HCLS1: variants seen among roughly 807,000 people sequenced by gnomAD.
HCLS1 encodes the protein hematopoietic cell-specific Lyn substrate 1, also known as hematopoietic lineage cell-specific protein.
In HCLS1, 44 loss-of-function variants were observed where a neutral mutation model predicts 68.6. That is an observed-to-expected ratio of 0.64 (90% CI 0.50 to 0.82). The LOEUF is 0.82. Ranked by LOEUF, HCLS1 falls within the 40% of genes least tolerant of loss-of-function variation. The probability of loss-of-function intolerance (pLI) is 0.00; values close to 1 mark genes in which losing one functional copy is unlikely to be tolerated. For missense variants in HCLS1, 602 were observed against 612.1 expected (o/e 0.98, Z 0.17); for synonymous variants, 217 against 225.8 (o/e 0.96, Z 0.35).
chr3:121,640,019 G>C (rs575569331), intron 6 of HCLS1, among the ~76,000 whole-genome samples: 1 of 152,046 alleles, frequency 6.6e-6, no homozygotes, highest in South Asian at 2.1e-4. Context: ...TAAACTTCTA[G>C]TAAGAATAAT....
intron 3 of HCLS1, 145 bp from the exon 4 acceptor site, chr3:121,647,593 A>C (rs559843272): frequency 1.4e-6 from 1 of 707,674 alleles, no homozygotes; most frequent in East Asian, 2.7e-5. Flanking sequence ...ATGGGTCTGG[A>C]AGTAAAAGAT....
rs758207778 is a variant in HCLS1 at position 121,647,408 on chromosome 3, C to T, written c.199G>A (p.Val67Ile). The change falls in exon 4 of 14, where the codon GTT becomes ATT. Residue 67 changes from valine (V) to isoleucine (I), a missense_variant. Coordinates refer to ENST00000314583, the MANE Select transcript of HCLS1 (RefSeq NM_005335.6). ...GACTCCATCTCTTTCTTCCTGAGAA[C>T]ATCATGCTCCTCTGATACTTTGTTC... ...LRNKVSEEHD[V>I]LRKKEMESGP... 1.1e-5 allele frequency: 17 copies of T among 1,614,074 alleles called. No homozygotes were observed. Among genetic ancestry groups the T allele is most frequent in the Middle Eastern group, 1.6e-4 (1 of 6,062 alleles).
chr3:121,642,993 AG>A lies in HCLS1; in HGVS notation c.400-13del, dbSNP rs1397411264. On this transcript the variant is annotated splice_polypyrimidine_tract_variant and intron_variant, in intron 5 of 13. Coordinates refer to ENST00000314583, the MANE Select transcript of HCLS1 (RefSeq NM_005335.6). ...AAGCCGACTGCTGACTACAGAGAAGAGGAGACAGAATTGGTTAGAGTCAGAG... is the reference window on the plus strand; with the variant it reads ...AAGCCGACTGCTGACTACAGAGAAGAGAGACAGAATTGGTTAGAGTCAGAG... 1.2e-6 allele frequency: 2 copies of A among 1,610,614 alleles called. No homozygotes were observed. The highest frequency in any genetic ancestry group is 1.7e-6 in the Non-Finnish European group (2 of 1,177,076).
At chr3:121,651,547 C>G (rs1937748881) in intron 3 of HCLS1, among the ~76,000 whole-genome samples, 2 of 152,102 alleles carry the variant, frequency 1.3e-5, no homozygotes, top group African/African-American at 4.8e-5. Context: ...AGTGCTTCTC[C>G]TGCCTCAGCC....
intron 2 of HCLS1, chr3:121,658,021 C>A: frequency 2.2e-6 from 1 of 462,262 alleles, no homozygotes; most frequent in Non-Finnish European, 3.9e-6. Flanking sequence ...TCAGTGTAGC[C>A]TGCCATGGCC....
At chr3:121,640,798 AGGG>A (rs1281749993) in intron 6 of HCLS1, among the ~76,000 whole-genome samples, 2 of 26,892 alleles carry the variant, frequency 7.4e-5, no homozygotes, top group South Asian at 3.4e-3. Flanking sequence ...AGGGGAGGGG[AGGG>A]GAGGGGAGGG....
At chr3:121,641,899 G>T (rs2049203094) in intron 6 of HCLS1, among the ~76,000 whole-genome samples, 1 of 151,674 alleles carries the variant, frequency 6.6e-6, no homozygotes, top group South Asian at 2.1e-4. Flanking sequence ...GGCTAACATG[G>T]TGAAACCCCG....
At position 121,632,415 on chromosome 3, in the gene HCLS1, C is replaced by T. The variant is rs759916155; in HGVS notation, c.1157G>A (p.Arg386Lys). 1 of 1,612,620 alleles carries T rather than the reference C, an allele frequency of 6.2e-7. No homozygotes were observed. The highest frequency in any genetic ancestry group is 2.2e-5 in the East Asian group (1 of 44,868). ...CTCTGGTTCATCCTCCTGCTCATGCCTGTCCATCTCCTCAACGTCCTCATA... is the reference window on the plus strand; with the variant it reads ...CTCTGGTTCATCCTCCTGCTCATGCTTGTCCATCTCCTCAACGTCCTCATA... ...NDYEDVEEMD[R>K]HEQEDEPEGD... is the part of the protein sequence containing the mutation. The change falls in exon 12 of 14, where the codon AGG becomes AAG. Residue 386 changes from arginine (R) to lysine (K), a missense_variant. Coordinates refer to ENST00000314583, the MANE Select transcript of HCLS1 (RefSeq NM_005335.6).
chr3:121,643,091 G>A, intron 5 of HCLS1, 110 bp from the exon 6 acceptor site: 1 of 808,180 alleles, frequency 1.2e-6, no homozygotes, highest in African/African-American at 1.7e-5. Context: ...AGGGGCTTCA[G>A]GCTGAGTATA....
intron 9 of HCLS1, among the ~76,000 whole-genome samples, chr3:121,634,814 T>A (rs1460329959): frequency 6.6e-6 from 1 of 152,104 alleles, no homozygotes; most frequent in Non-Finnish European, 1.5e-5. Context: ...GTATTTTTTG[T>A]AGAGAGGGGA....
intron 6 of HCLS1, among the ~76,000 whole-genome samples, chr3:121,639,469 T>C (rs2049178033): frequency 6.6e-6 from 1 of 152,216 alleles, no homozygotes; most frequent in Non-Finnish European, 1.5e-5. Flanking sequence ...AAATAATACA[T>C]GTGTCAAAGA....
At chr3:121,657,000 G>T (rs1478738774) in intron 3 of HCLS1, 2 of 319,238 alleles carry the variant, frequency 6.3e-6, no homozygotes, top group East Asian at 1.0e-4. Flanking sequence ...AGGAAGGGAG[G>T]CAGTTAATCC....
In HCLS1 at chr3:121,634,323, T is replaced by A; in HGVS notation, c.787A>T (p.Arg263Trp). The A allele has an allele frequency of 1.2e-6, 2 of 1,614,196 alleles. No homozygotes were observed. The highest frequency in any genetic ancestry group is 1.7e-6 in the Non-Finnish European group (2 of 1,180,032). ...ACAGCCTTTCGCTCCTGTTGCCTCC[T>A]GGCCACCTGCTGTGCCTTCTCCTCT... ...EEEEKAQQVARRQQERKAVTK... is the reference protein window; with the variant it reads ...EEEEKAQQVAWRQQERKAVTK... The change falls in exon 10 of 14, where the codon AGG (arginine) becomes TGG (tryptophan). Residue 263 changes from arginine to tryptophan, a missense_variant. By Grantham distance (101) the Arg-to-Trp change is moderately radical. Transcript: ENST00000314583.
chr3:121,650,697 G>A (rs1374823445), intron 3 of HCLS1, among the ~76,000 whole-genome samples: 1 of 152,132 alleles, frequency 6.6e-6, no homozygotes, highest in Non-Finnish European at 1.5e-5. Flanking sequence ...CAGTCCTTTA[G>A]GACAAAACAT....
At chr3:121,640,368 C>A (rs1472529314) in intron 6 of HCLS1, among the ~76,000 whole-genome samples, 4 of 152,062 alleles carry the variant, frequency 2.6e-5, no homozygotes, top group Non-Finnish European at 4.4e-5. Flanking sequence ...TCTCATAAAA[C>A]AAATATCCCT....
At chr3:121,649,900 G>C (rs564076127) in intron 3 of HCLS1, among the ~76,000 whole-genome samples, 1 of 152,140 alleles carries the variant, frequency 6.6e-6, no homozygotes, top group Non-Finnish European at 1.5e-5. Flanking sequence ...CAGAATATAA[G>C]GTTTTTATTC....
intron 3 of HCLS1, chr3:121,653,791 C>T (rs1937804325): frequency 6.6e-6 from 1 of 152,148 alleles, no homozygotes; most frequent in African/African-American, 2.4e-5. Context: ...ATGGTTATAG[C>T]TCAGTAAAGA....
intron 5 of HCLS1, 34 bp from the exon 6 acceptor site, chr3:121,643,015 C>G: frequency 6.3e-7 from 1 of 1,579,030 alleles, no homozygotes; most frequent in Non-Finnish European, 8.7e-7. Flanking sequence ...TGGTTAGAGT[C>G]AGAGCTGACA....
rs756403060 is a variant in HCLS1, at chr3:121,658,253, T to C, written c.84+11A>G. 2 of 1,610,398 alleles carry C rather than the reference T, an allele frequency of 1.2e-6. No individual in the cohort carries two copies. The highest frequency in any genetic ancestry group is 1.7e-5 in the Admixed American group (1 of 59,986). ...TCTGCACTGTCCAAGCAAAGCTACT[T>C]CCAAACTCACCACAAAGTCAGGATC... On this transcript the variant is annotated intron_variant, in intron 2 of 13. Coordinates refer to ENST00000314583, the MANE Select transcript of HCLS1 (RefSeq NM_005335.6).
Sources: gnomAD v4.1 joint callset for allele counts (sites outside exome capture counted in the v4.1 genomes callset) on GRCh38, gnomAD v4.1.1 for gene constraint, MANE v1.5 for transcripts, NCBI Gene and HGNC (gene_info 2026-07-23, HGNC 2026-07-21) for gene names.